The following ZFHX3 variants were observed in gnomAD, a reference collection of about 807,000 sequenced individuals.
ZFHX3 encodes the protein zinc finger homeobox 3.
A neutral mutation model predicts 279.1 loss-of-function variants in ZFHX3; 42 were observed. The ratio of observed to expected loss-of-function variants is 0.15; its 90% CI spans 0.12 to 0.19. ZFHX3 has a LOEUF of 0.19. ZFHX3 is among the 10% of genes least tolerant of loss of function. The pLI is 1.00. For synonymous variants in ZFHX3, 2,293 were observed against 1,957.8 expected, an observed-to-expected ratio of 1.17 and a Z score of -4.52; for missense variants, 4,981 against 4,754.0, an observed-to-expected ratio of 1.05 and a Z score of -1.40.
intron 1 of ZFHX3, among the ~76,000 whole-genome samples, chr16:73,847,469 G>T (rs1210819277): frequency 6.6e-6 from 1 of 152,046 alleles, no homozygotes; most frequent in Non-Finnish European, 1.5e-5. Context: ...GACTTATCCT[G>T]GGCCAGAGAG....
chr16:73,555,390 G>A (rs558644499), intron 2 of ZFHX3, among the ~76,000 whole-genome samples: 1 of 152,018 alleles, frequency 6.6e-6, no homozygotes, highest in East Asian at 2.0e-4. Context: ...TCTTGACCTC[G>A]TGATCCGCCT....
chr16:73,389,713 C>A (rs971993076), intron 3 of ZFHX3, among the ~76,000 whole-genome samples: 4 of 152,226 alleles, frequency 2.6e-5, no homozygotes, highest in African/African-American at 9.6e-5. Context: ...CATTTCCACC[C>A]ACTGGTTCCC....
intron 6 of ZFHX3, among the ~76,000 whole-genome samples, chr16:73,142,613 G>A (rs1414030164): frequency 5.9e-5 from 9 of 152,186 alleles, no homozygotes; most frequent in Non-Finnish European, 1.2e-4. Context: ...AACCAGATGC[G>A]TTAATGAGTG....
intron 3 of ZFHX3, among the ~76,000 whole-genome samples, chr16:72,949,208 G>GA (rs1960850769): frequency 6.6e-6 from 1 of 152,220 alleles, no homozygotes; most frequent in South Asian, 2.1e-4. Context: ...TCCTTATATG[G>GA]AATCTCCGTT....
chr16:73,069,120 C>G (rs1013077259), intron 8 of ZFHX3, among the ~76,000 whole-genome samples: 1 of 152,208 alleles, frequency 6.6e-6, no homozygotes, highest in Non-Finnish European at 1.5e-5. Flanking sequence ...CAGGCCCACA[C>G]GGAGAGGTTG....
chr16:72,916,476 G>T (rs2039445945), intron 3 of ZFHX3, among the ~76,000 whole-genome samples: 1 of 152,214 alleles, frequency 6.6e-6, no homozygotes, highest in Non-Finnish European at 1.5e-5. Context: ...AATAAGATGT[G>T]AACAGAGACA....
chr16:73,251,279 G>A (rs1450607596), intron 5 of ZFHX3, among the ~76,000 whole-genome samples: 1 of 152,158 alleles, frequency 6.6e-6, no homozygotes, highest in African/African-American at 2.4e-5. Flanking sequence ...CCCCAAGTTA[G>A]TCTCTCTTGC....
rs910285652 is a variant in ZFHX3 at position 73,594,099 on chromosome 16, A to G, written c.-1547+86081T>C. ...GAGGCTGAAACAAAACTATTTATAT[A>G]AGATATGATTGTGAAAGTAATATGA... is the stretch of plus-strand genomic sequence containing the variant. On this transcript the variant is annotated intron_variant, in intron 2 of 17. Coordinates refer to the ZFHX3 transcript ENST00000641206. Among the ~76,000 whole-genome samples the G allele has an allele frequency of 7.9e-5, 12 of 152,210 alleles. 1 individual carries two copies. Among genetic ancestry groups the G allele is most frequent in the Non-Finnish European group, 1.5e-5 (1 of 68,032 alleles).
chr16:73,373,708 C>T (rs2016673040), intron 3 of ZFHX3, among the ~76,000 whole-genome samples: 1 of 152,164 alleles, frequency 6.6e-6, no homozygotes, highest in Admixed American at 6.5e-5. Flanking sequence ...GTGCCTCAGG[C>T]CATGCCTCTG....
chr16:73,606,922 A>G (rs2052191643), intron 2 of ZFHX3, among the ~76,000 whole-genome samples: 1 of 152,226 alleles, frequency 6.6e-6, no homozygotes, highest in Non-Finnish European at 1.5e-5. Context: ...TCGGCTGGGC[A>G]CAGTGGCTCA....
At chr16:73,318,245 G>A (rs754409260) in exon 4 of ZFHX3, 1 of 152,084 alleles carries the variant, frequency 6.6e-6, no homozygotes, top group Non-Finnish European at 1.5e-5. Context: ...CCTACCTGCT[G>A]AAATGGGCTC....
chr16:73,859,695 A>C (rs1961831014), intron 1 of ZFHX3, among the ~76,000 whole-genome samples: 1 of 152,162 alleles, frequency 6.6e-6, no homozygotes, highest in African/African-American at 2.4e-5. Flanking sequence ...AGTAAAAGCC[A>C]AAAAAGGAGA....
chr16:73,145,262 C>T (rs768418977), intron 5 of ZFHX3, among the ~76,000 whole-genome samples: 6 of 152,212 alleles, frequency 3.9e-5, no homozygotes, highest in Non-Finnish European at 7.3e-5. Flanking sequence ...AGCTGACCAG[C>T]AGGTCGGGCC....
intron 4 of ZFHX3, 85 bp from the exon 5 acceptor site, chr16:72,829,944 G>A (rs193266022): frequency 7.3e-5 from 98 of 1,343,178 alleles, no homozygotes; most frequent in Admixed American, 3.3e-4. Flanking sequence ...AACTGCCAAC[G>A]ACAGAACAGA....
Position 72,787,225 on chromosome 16 carries a change from T to A in ZFHX3, c.11051A>T (p.Asp3684Val), listed in dbSNP as rs1484431562. The A allele has an allele frequency of 9.3e-6, 15 of 1,613,622 alleles. No individual in the cohort carries two copies. Among genetic ancestry groups the A allele is most frequent in the African/African-American group, 1.3e-5 (1 of 74,732 alleles). The change falls in exon 10 of 10, where the codon GAC becomes GTC. Residue 3684 changes from aspartate to valine, a missense_variant. Asp to Val is a radical substitution (Grantham distance 152). Around this residue, in one of 7 missense-constraint regions of ZFHX3, gnomAD observed 1,034 missense variants for 786.0 expected, o/e 1.32. Coordinates refer to ENST00000268489, the MANE Select transcript of ZFHX3 (RefSeq NM_006885.4). Reference protein sequence around the residue: ...GPASPVEGPKDPSCPKDSGLT... With the variant: ...GPASPVEGPKVPSCPKDSGLT... ...ACCACTGTCCTTGGGGCAGCTGGGG[T>A]CTTTGGGACCCTCCACCGGGCTCGC... is the stretch of plus-strand genomic sequence containing the variant.
chr16:73,568,678 G>C (rs528903620), intron 2 of ZFHX3, among the ~76,000 whole-genome samples: 53 of 152,242 alleles, frequency 3.5e-4, no homozygotes, highest in African/African-American at 1.2e-3. Context: ...ATTCACCACC[G>C]TCATTGCCAT....
At chr16:73,029,029 T>C (rs1269912814) in intron 1 of ZFHX3, among the ~76,000 whole-genome samples, 1 of 152,090 alleles carries the variant, frequency 6.6e-6, no homozygotes, top group Non-Finnish European at 1.5e-5. Context: ...AACATCTTCT[T>C]CACTCACTCA....
At chr16:73,416,276 C>T (rs933281892) in intron 3 of ZFHX3, among the ~76,000 whole-genome samples, 3 of 152,128 alleles carry the variant, frequency 2.0e-5, no homozygotes, top group African/African-American at 7.2e-5. Flanking sequence ...CTTCTTTCTC[C>T]TCTTCTTTCC....
At position 73,530,399 on chromosome 16, in the gene ZFHX3, C is replaced by T. The variant is rs560808339; in HGVS notation, c.-1546-74141G>A. Among the ~76,000 whole-genome samples, 9 of 152,262 alleles carry T rather than the reference C, an allele frequency of 5.9e-5. No homozygotes were observed. The South Asian group carries it at 6.2e-4, about 11-fold the overall frequency. On this transcript the variant is annotated intron_variant, in intron 2 of 17. Transcript: ENST00000641206. ...ACAGCCAAACGGAAGTTAATTACCTCCTCTAAGCAGCTCAGGTGTGACCAG... is the reference window on the plus strand; with the variant it reads ...ACAGCCAAACGGAAGTTAATTACCTTCTCTAAGCAGCTCAGGTGTGACCAG...
Sources: gnomAD v4.1 joint callset for allele counts (sites outside exome capture counted in the v4.1 genomes callset) on GRCh38, gnomAD v4.1.1 for gene constraint, gnomAD v4.1.1 regional missense constraint, MANE v1.5 for transcripts, NCBI Gene and HGNC (gene_info 2026-07-23, HGNC 2026-07-21) for gene names.